RARB: variants seen among roughly 807,000 people sequenced by gnomAD.
RARB encodes HBV-activated protein.
In RARB, 17 loss-of-function variants were observed where a neutral mutation model predicts 51.9. That is an observed-to-expected ratio of 0.33 (90% confidence interval 0.22 to 0.49). The LOEUF (loss-of-function observed/expected upper bound fraction) is 0.49. RARB is among the 20% of genes least tolerant of loss of function. The probability of loss-of-function intolerance (pLI) is 0.99; values close to 1 mark genes in which losing one functional copy is unlikely to be tolerated. For synonymous variants in RARB, 215 were observed against 195.4 expected, an observed-to-expected ratio of 1.10 and a Z score of -0.84; for missense variants, 369 against 550.8, an observed-to-expected ratio of 0.67 and a Z score of 3.30.
intron 2 of RARB, among the ~76,000 whole-genome samples, chr3:24,893,596 C>T (rs1490730404): frequency 6.6e-6 from 1 of 152,114 alleles, no homozygotes; most frequent in Non-Finnish European, 1.5e-5. Context: ...TAGCTCACTG[C>T]AACCTCATAC....
At chr3:24,893,422 CTG>C (rs1216005179) in intron 2 of RARB, among the ~76,000 whole-genome samples, 11 of 152,212 alleles carry the variant, frequency 7.2e-5, no homozygotes, top group Non-Finnish European at 1.0e-4. Context: ...GCCACCTACT[CTG>C]TGCATCGTGC....
chr3:24,933,344 G>A (rs1017738740), intron 2 of RARB, among the ~76,000 whole-genome samples: 1 of 151,896 alleles, frequency 6.6e-6, no homozygotes, highest in African/African-American at 2.4e-5. Context: ...AAACATATCT[G>A]ATGTCTTCTA....
chr3:25,328,375 C>T (rs1343733607), intron 5 of RARB, among the ~76,000 whole-genome samples: 2 of 152,166 alleles, frequency 1.3e-5, no homozygotes, highest in Non-Finnish European at 2.9e-5. Context: ...CAAAAATTAG[C>T]TGAGCATGGT....
At chr3:25,387,003 C>G (rs184363258) in intron 5 of RARB, among the ~76,000 whole-genome samples, 3 of 152,302 alleles carry the variant, frequency 2.0e-5, no homozygotes, top group Admixed American at 2.0e-4. Context: ...AACAGAGGTG[C>G]TACAGTTGCT....
intron 3 of RARB, among the ~76,000 whole-genome samples, chr3:25,505,310 G>C (rs575709631): frequency 1.3e-5 from 2 of 152,102 alleles, no homozygotes; most frequent in African/African-American, 2.4e-5. Context: ...TATATACTGC[G>C]TGCCATAGGA....
chr3:25,445,387 C>G (rs553364988), intron 1 of RARB, among the ~76,000 whole-genome samples: 5 of 152,040 alleles, frequency 3.3e-5, no homozygotes, highest in Non-Finnish European at 7.4e-5. Flanking sequence ...AAGAGCAGTC[C>G]GGACGCATAG....
chr3:25,006,786 A>T (rs567778843), intron 2 of RARB, among the ~76,000 whole-genome samples: 1 of 152,280 alleles, frequency 6.6e-6, no homozygotes, highest in East Asian at 1.9e-4. Flanking sequence ...AGGAGTAGAC[A>T]TTACACCTTA....
intron 2 of RARB, among the ~76,000 whole-genome samples, chr3:25,040,589 C>T (rs920533090): frequency 1.3e-5 from 2 of 151,852 alleles, no homozygotes; most frequent in Non-Finnish European, 2.9e-5. Context: ...AAAAATTATC[C>T]AGGCATGGTG....
At chr3:25,386,350 C>T (rs1323674298) in intron 5 of RARB, among the ~76,000 whole-genome samples, 1 of 152,140 alleles carries the variant, frequency 6.6e-6, no homozygotes, top group Non-Finnish European at 1.5e-5. Flanking sequence ...GAAAGGTTAA[C>T]AGGAGCTAGC....
chr3:25,552,565 T>C (rs1482347732), intron 3 of RARB, among the ~76,000 whole-genome samples: 1 of 152,152 alleles, frequency 6.6e-6, no homozygotes, highest in Non-Finnish European at 1.5e-5. Context: ...CTGCTTTGCA[T>C]ATATCTAGAT....
At chr3:24,865,372 T>C (rs1032121641) in intron 2 of RARB, among the ~76,000 whole-genome samples, 1 of 152,090 alleles carries the variant, frequency 6.6e-6, no homozygotes, top group African/African-American at 2.4e-5. Flanking sequence ...TGCTCGAGGG[T>C]CAACTGTATT....
chr3:25,081,604 TATATATA>T (rs1698998516), intron 3 of RARB, among the ~76,000 whole-genome samples: 2 of 14,822 alleles, frequency 1.3e-4, no homozygotes, highest in African/African-American at 5.8e-4. Context: ...TATATATATA[TATATATA>T]TATATATATA....
At chr3:24,954,938 A>G (rs1695976136) in intron 2 of RARB, among the ~76,000 whole-genome samples, 1 of 152,040 alleles carries the variant, frequency 6.6e-6, no homozygotes, top group Non-Finnish European at 1.5e-5. Context: ...GACAGTATCT[A>G]GGGGTGTGTT....
chr3:24,949,443 GA>G (rs1038112037), intron 2 of RARB, among the ~76,000 whole-genome samples: 1 of 152,166 alleles, frequency 6.6e-6, no homozygotes, highest in African/African-American at 2.4e-5. Context: ...CAAATAGGAG[GA>G]AAGGGAAATT....
At chr3:25,167,739 C>T (rs1335129109) in intron 4 of RARB, among the ~76,000 whole-genome samples, 1 of 152,160 alleles carries the variant, frequency 6.6e-6, no homozygotes, top group Non-Finnish European at 1.5e-5. Flanking sequence ...ATCAATATAC[C>T]ATAGGGTGGT....
chr3:25,494,807 A>T (rs1248972347), intron 2 of RARB, among the ~76,000 whole-genome samples: 1 of 152,144 alleles, frequency 6.6e-6, no homozygotes, highest in Non-Finnish European at 1.5e-5. Flanking sequence ...CTATTTGGGG[A>T]TCTTTATTTT....
intron 3 of RARB, among the ~76,000 whole-genome samples, chr3:25,523,736 T>C (rs901362499): frequency 3.3e-5 from 5 of 152,304 alleles, no homozygotes; most frequent in Admixed American, 1.3e-4. Flanking sequence ...TTTCTTCTTA[T>C]TTTCCTATTT....
chr3:25,116,966 A>C (rs1559472298), intron 3 of RARB, among the ~76,000 whole-genome samples: 1 of 152,180 alleles, frequency 6.6e-6, no homozygotes, highest in East Asian at 1.9e-4. Flanking sequence ...TTAACATAAG[A>C]ATAAGAGCAA....
rs139118020 is a variant in RARB, at chr3:25,148,873, T to C, written c.-280+16665T>C. On this transcript the variant is annotated intron_variant, in intron 4 of 11. Transcript: ENST00000383772. ...ATGCACAGCCAGCCCCTGAAAAAGG[T>C]TGTGCATGGCTTCTTCCCCTATCTT... Among the ~76,000 whole-genome samples, 409 of 152,280 alleles carry C rather than the reference T, an allele frequency of 2.7e-3. 3 individuals carry two copies. Among genetic ancestry groups the C allele is most frequent in the African/African-American group, 9.1e-3 (377 of 41,560 alleles).
Sources: allele counts gnomAD v4.1 joint callset (sites outside exome capture counted in the v4.1 genomes callset), GRCh38; gene constraint gnomAD v4.1.1; transcripts MANE v1.5; gene names NCBI Gene and HGNC (gene_info 2026-07-23, HGNC 2026-07-21).